The following RGS6 variants were observed in gnomAD, a reference collection of about 807,000 sequenced individuals.
RGS6 encodes the protein regulator of G protein signaling 6.
Under a neutral mutation model 78.5 loss-of-function variants are expected in RGS6, and 30 were observed. That is an observed-to-expected ratio of 0.38 (90% CI 0.29 to 0.52). The LOEUF (loss-of-function observed/expected upper bound fraction) is 0.52, where lower values mean the gene tolerates loss of function less well. Ranked by LOEUF, RGS6 falls within the 20% of genes least tolerant of loss-of-function variation. RGS6 has a pLI of 0.85. For synonymous variants in RGS6, 206 were observed against 206.0 expected (o/e 1.00, Z 0.00); for missense variants, 495 against 609.7 (o/e 0.81, Z 1.98).
At chr14:72,105,338 G>A (rs1025244364) in intron 2 of RGS6, among the ~76,000 whole-genome samples, 8 of 152,178 alleles carry the variant, frequency 5.3e-5, no homozygotes, top group African/African-American at 1.9e-4. Flanking sequence ...TGGTCTTACA[G>A]TTTAAAATGT....
At chr14:72,475,844 A>ACACG (rs2096232626) in intron 10 of RGS6, among the ~76,000 whole-genome samples, 1 of 151,572 alleles carries the variant, frequency 6.6e-6, no homozygotes, top group African/African-American at 2.4e-5. Flanking sequence ...ACACACACAC[A>ACACG]CACACACACT....
chr14:72,323,720 T>G (rs1172748812), intron 2 of RGS6, among the ~76,000 whole-genome samples: 2 of 141,420 alleles, frequency 1.4e-5, no homozygotes, highest in Non-Finnish European at 3.0e-5. Flanking sequence ...GAGAATTGCT[T>G]GAACCTGGGA....
intron 2 of RGS6, among the ~76,000 whole-genome samples, chr14:72,143,574 C>G (rs1423429661): frequency 6.6e-6 from 1 of 152,076 alleles, no homozygotes; most frequent in Non-Finnish European, 1.5e-5. Context: ...GCTCATTTTG[C>G]CAAACATGAT....
intron 2 of RGS6, among the ~76,000 whole-genome samples, chr14:72,058,975 C>T (rs1264824634): frequency 6.6e-6 from 1 of 152,184 alleles, no homozygotes; most frequent in Non-Finnish European, 1.5e-5. Context: ...GTGATCTTGG[C>T]TCACTGCAAC....
chr14:72,470,494 T>C (rs566849068), intron 8 of RGS6, among the ~76,000 whole-genome samples: 1 of 152,318 alleles, frequency 6.6e-6, no homozygotes, highest in South Asian at 2.1e-4. Flanking sequence ...TTCTTTTCCC[T>C]GACAGGGGAG....
chr14:72,434,755 T>C (rs2094822424), intron 3 of RGS6, among the ~76,000 whole-genome samples: 1 of 152,206 alleles, frequency 6.6e-6, no homozygotes. Context: ...CTGAAATCCA[T>C]TAAATTCATA....
At chr14:72,292,669 T>G (rs749175439) in intron 2 of RGS6, among the ~76,000 whole-genome samples, 13 of 152,252 alleles carry the variant, frequency 8.5e-5, no homozygotes, top group Non-Finnish European at 1.8e-4. Context: ...TTCTGCAAGA[T>G]GAACTGAACC....
In RGS6 at chr14:72,541,076, G is replaced by T. The variant is rs754284957; in HGVS notation, c.1422+982G>T. 7 of 1,353,230 alleles carry T rather than the reference G, an allele frequency of 5.2e-6. No individual in the cohort carries two copies. In the South Asian group the frequency reaches 8.1e-5, roughly 16 times the overall value. 83.8% of individuals were successfully genotyped at this position (1,353,230 alleles called of 1,614,324 possible). On this transcript the variant is annotated intron_variant, in intron 17 of 17. Coordinates refer to ENST00000553525, the MANE Select transcript of RGS6 (RefSeq NM_001204424.2). ...CCCGCTCAATCACGGGGCCCATCCT[G>T]TACCATGAACATCAAACCAGAGGGA...
the RGS6 span, among the ~76,000 whole-genome samples, chr14:72,617,139 G>C: frequency 6.6e-6 from 1 of 152,180 alleles, no homozygotes; most frequent in Non-Finnish European, 1.5e-5. Context: ...GATCGAACAG[G>C]GCTGCCCTAT....
chr14:72,350,103 C>G (rs186606902), intron 2 of RGS6, among the ~76,000 whole-genome samples: 6 of 152,172 alleles, frequency 3.9e-5, no homozygotes, highest in African/African-American at 1.2e-4. Flanking sequence ...GGATAAAACT[C>G]CCTCTTCAGT....
chr14:72,389,501 A>G (rs1365412223), intron 3 of RGS6, among the ~76,000 whole-genome samples: 1 of 152,180 alleles, frequency 6.6e-6, no homozygotes, highest in African/African-American at 2.4e-5. Context: ...TTATCAAAAT[A>G]CATTATTCCC....
intron 2 of RGS6, among the ~76,000 whole-genome samples, chr14:71,985,760 G>A (rs923856296): frequency 6.6e-6 from 1 of 152,154 alleles, no homozygotes; most frequent in African/African-American, 2.4e-5. Context: ...TATCCTGAGA[G>A]CTTTGTTGAT....
At chr14:72,502,185 T>A (rs1418494150) in intron 13 of RGS6, among the ~76,000 whole-genome samples, 1 of 152,250 alleles carries the variant, frequency 6.6e-6, no homozygotes, top group African/African-American at 2.4e-5. Context: ...TCTGCCATGC[T>A]TGGAGAAGCC....
intron 2 of RGS6, among the ~76,000 whole-genome samples, chr14:71,987,937 A>G (rs2094790903): frequency 6.6e-6 from 1 of 152,124 alleles, no homozygotes; most frequent in Admixed American, 6.6e-5. Context: ...AAACAATGAG[A>G]GAAAGTGCTG....
chr14:72,066,711 C>T (rs1274140593), intron 2 of RGS6, among the ~76,000 whole-genome samples: 1 of 149,802 alleles, frequency 6.7e-6, no homozygotes, highest in East Asian at 1.9e-4. Context: ...ACTTAATTTA[C>T]AGGAAAAAAA....
intron 3 of RGS6, among the ~76,000 whole-genome samples, chr14:72,381,660 T>C (rs1303614405): frequency 6.6e-6 from 1 of 152,056 alleles, no homozygotes; most frequent in African/African-American, 2.4e-5. Flanking sequence ...TACCCTATCT[T>C]TACCAAAGAA....
intron 2 of RGS6, among the ~76,000 whole-genome samples, chr14:72,276,000 G>A (rs1383987096): frequency 2.0e-5 from 3 of 152,062 alleles, no homozygotes; most frequent in South Asian, 4.2e-4. Context: ...TGGGTAGCAG[G>A]GCAGAATTGG....
At chr14:72,627,731 T>C in the RGS6 span, among the ~76,000 whole-genome samples, 1 of 152,164 alleles carries the variant, frequency 6.6e-6, no homozygotes, top group African/African-American at 2.4e-5. Context: ...ATTTATAAAT[T>C]AACTCAGGAA....
At chr14:72,031,092 T>C (rs1241453883) in intron 2 of RGS6, among the ~76,000 whole-genome samples, 3 of 152,028 alleles carry the variant, frequency 2.0e-5, no homozygotes, top group Non-Finnish European at 4.4e-5. Context: ...ATTCAGACAT[T>C]GGCCAAGTAG....
Sources: allele counts gnomAD v4.1 joint callset (sites outside exome capture counted in the v4.1 genomes callset), GRCh38; gene constraint gnomAD v4.1.1; transcripts MANE v1.5; gene names NCBI Gene and HGNC (gene_info 2026-07-23, HGNC 2026-07-21).